Variants in RFX8 observed in about 807,000 individuals in gnomAD.
RFX8 encodes DNA-binding protein RFX8.
A neutral mutation model predicts 54.6 loss-of-function variants in RFX8; 46 were observed. The ratio of observed to expected loss-of-function variants is 0.84; its 90% CI spans 0.67 to 1.08. The LOEUF (loss-of-function observed/expected upper bound fraction) is 1.08, where lower values mean the gene tolerates loss of function less well. Among genes scored for constraint, RFX8 ranks in the 50% least tolerant of loss-of-function variants. RFX8 has a pLI of 0.00. For synonymous variants in RFX8, 192 were observed against 209.5 expected (o/e 0.92, Z 0.72); for missense variants, 536 against 562.3 (o/e 0.95, Z 0.47).
At chr2:101,436,947 C>T (rs1040731178) in intron 2 of RFX8, among the ~76,000 whole-genome samples, 40 of 152,110 alleles carry the variant, frequency 2.6e-4, no homozygotes, top group Admixed American at 1.3e-4. Flanking sequence ...AGTCGCACTC[C>T]AACCATGAGA....
chr2:101,453,455 T>C (rs1688808571), intron 2 of RFX8, among the ~76,000 whole-genome samples: 1 of 151,900 alleles, frequency 6.6e-6, no homozygotes, highest in South Asian at 2.1e-4. Flanking sequence ...CTGGTCAACA[T>C]GGTGAAAACC....
chr2:101,400,203 G>A (rs187402072), intron 11 of RFX8, among the ~76,000 whole-genome samples: 1 of 152,214 alleles, frequency 6.6e-6, no homozygotes, highest in African/African-American at 2.4e-5. Flanking sequence ...GGAAGCATGT[G>A]TATATAATTT....
At chr2:101,406,593 G>A (rs1434127805) in intron 9 of RFX8, among the ~76,000 whole-genome samples, 2 of 151,900 alleles carry the variant, frequency 1.3e-5, no homozygotes, top group Non-Finnish European at 2.9e-5. Flanking sequence ...CTCCTGTCTC[G>A]GCCTCCCAAA....
In RFX8 at chr2:101,441,111, C is replaced by T. The variant is rs148641942; in HGVS notation, c.73-18639G>A. On this transcript the variant is annotated intron_variant, in intron 2 of 11. Coordinates refer to ENST00000428343, the MANE Select transcript of RFX8 (RefSeq NM_001145664.2). Reference sequence around the variant, plus strand: ...CCTTCCGAGTAGCCGGGACTACAGGCGCCCGCCACCACGGCCGGCTAATTT... The same window carrying T: ...CCTTCCGAGTAGCCGGGACTACAGGTGCCCGCCACCACGGCCGGCTAATTT... Among the ~76,000 whole-genome samples, 16 of 152,112 alleles carry T rather than the reference C, an allele frequency of 1.1e-4. No homozygotes were observed. In the East Asian group the frequency reaches 2.5e-3, roughly 24 times the overall value.
intron 2 of RFX8, among the ~76,000 whole-genome samples, chr2:101,442,418 G>A (rs919170009): frequency 2.6e-5 from 4 of 152,154 alleles, no homozygotes; most frequent in African/African-American, 9.7e-5. Flanking sequence ...CTCTAAGGGT[G>A]AGTCAGCTAG....
intron 7 of RFX8, among the ~76,000 whole-genome samples, chr2:101,414,215 T>C (rs1686344364): frequency 1.3e-5 from 2 of 152,202 alleles, no homozygotes; most frequent in South Asian, 4.1e-4. Context: ...GACGCCCTGT[T>C]ACCTCTGACA....
intron 2 of RFX8, among the ~76,000 whole-genome samples, chr2:101,425,045 A>AG (rs1687097864): frequency 6.6e-6 from 1 of 151,612 alleles, no homozygotes; most frequent in South Asian, 2.1e-4. Flanking sequence ...AACAGAAAAA[A>AG]AAAAGAAGAT....
chr2:101,427,092 C>T (rs1046492506), intron 2 of RFX8, among the ~76,000 whole-genome samples: 2 of 152,152 alleles, frequency 1.3e-5, no homozygotes, highest in African/African-American at 4.8e-5. Flanking sequence ...CAGGCTACAC[C>T]CTCAAAATGA....
At chr2:101,398,292 G>A (rs6716306) in intron 11 of RFX8, among the ~76,000 whole-genome samples, 63,897 of 152,014 alleles carry the variant, frequency 0.42, 15,222 homozygotes, top group Non-Finnish European at 0.52. Context: ...GGGAAAGGCA[G>A]TTTGTGAGAA....
At chr2:101,459,661 G>A (rs6543066) in intron 2 of RFX8, among the ~76,000 whole-genome samples, 52,476 of 152,050 alleles carry the variant, frequency 0.35, 9,728 homozygotes, top group African/African-American at 0.44. Flanking sequence ...CAACTGGGAG[G>A]TGTCTCCCAG....
At chr2:101,430,764 A>G (rs917592092) in intron 2 of RFX8, among the ~76,000 whole-genome samples, 4 of 152,226 alleles carry the variant, frequency 2.6e-5, no homozygotes, top group Non-Finnish European at 4.4e-5. Context: ...TAAAATTTAT[A>G]AACAGCCCAT....
chr2:101,400,099 C>T (rs974009622), intron 11 of RFX8, among the ~76,000 whole-genome samples: 1 of 152,160 alleles, frequency 6.6e-6, no homozygotes, highest in African/African-American at 2.4e-5. Context: ...TGCATTTAAA[C>T]GCTCAGCTCC....
intron 2 of RFX8, among the ~76,000 whole-genome samples, chr2:101,451,967 C>A (rs181675617): frequency 6.6e-6 from 1 of 152,180 alleles, no homozygotes; most frequent in Non-Finnish European, 1.5e-5. Context: ...GTGGGACACA[C>A]CTGCAGTCCT....
chr2:101,465,418 G>A (rs924900132), intron 2 of RFX8, among the ~76,000 whole-genome samples: 5 of 152,306 alleles, frequency 3.3e-5, no homozygotes, highest in South Asian at 4.1e-4. Flanking sequence ...ACTGAGGCAC[G>A]GGAATCGCTT....
intron 2 of RFX8, among the ~76,000 whole-genome samples, chr2:101,460,756 T>C (rs78908038): frequency 6.6e-6 from 1 of 151,154 alleles, no homozygotes; most frequent in African/African-American, 2.4e-5. Flanking sequence ...TTTTTTTTTT[T>C]AATTAGCTCC....
intron 1 of RFX8, among the ~76,000 whole-genome samples, chr2:101,471,306 G>A (rs1265992549): frequency 6.6e-6 from 1 of 151,836 alleles, no homozygotes; most frequent in Non-Finnish European, 1.5e-5. Context: ...TGCACTCCAG[G>A]CTGGGAGACA....
intron 9 of RFX8, among the ~76,000 whole-genome samples, chr2:101,408,434 G>T (rs1021231014): frequency 6.6e-6 from 1 of 151,420 alleles, no homozygotes; most frequent in Non-Finnish European, 1.5e-5. Context: ...GCAGTGAGCC[G>T]AGATCGCGCC....
Position 101,402,655 on chromosome 2 carries a change from A to G in RFX8, c.1026T>C (p.Thr342=). 1 of 1,554,660 alleles carries G rather than the reference A, an allele frequency of 6.4e-7. No homozygotes were observed. Among genetic ancestry groups the G allele is most frequent in the South Asian group, 1.2e-5 (1 of 84,170 alleles). Residue 342 remains threonine (T), a synonymous_variant, in exon 11 of 12, where the codon ACT becomes ACC. Coordinates refer to ENST00000428343, the MANE Select transcript of RFX8 (RefSeq NM_001145664.2). The stretch of plus-strand genomic sequence containing the variant: ...GGTCATCTGGTAGCATTTCCTTGAC[A>G]GTCCCCATGTCCTCCTCCTCCTCTT... ...EEEEEEEDMG[T]VKEMLPDDPT... is the part of the protein sequence containing the mutation.
chr2:101,420,765 T>C (rs1231646256), intron 4 of RFX8, among the ~76,000 whole-genome samples: 1 of 152,148 alleles, frequency 6.6e-6, no homozygotes, highest in African/African-American at 2.4e-5. Context: ...AAGCACTCCC[T>C]GGCCTTCTCT....
Sources: gnomAD v4.1 joint callset for allele counts (sites outside exome capture counted in the v4.1 genomes callset) on GRCh38, gnomAD v4.1.1 for gene constraint, MANE v1.5 for transcripts, NCBI Gene and HGNC (gene_info 2026-07-23, HGNC 2026-07-21) for gene names.